The following MYO1F variants were observed in gnomAD, a reference collection of about 807,000 sequenced individuals.
The protein encoded by MYO1F is myosin IF.
Under a neutral mutation model 146.6 loss-of-function variants are expected in MYO1F, and 60 were observed. That is an observed-to-expected ratio of 0.41 (90% CI 0.33 to 0.51). The LOEUF (loss-of-function observed/expected upper bound fraction) is 0.51, where lower values mean the gene tolerates loss of function less well. Ranked by LOEUF, MYO1F falls within the 20% of genes least tolerant of loss-of-function variation. The pLI, the probability that MYO1F is intolerant of heterozygous loss-of-function variation, is 0.25. For synonymous variants in MYO1F, 602 were observed against 602.1 expected (o/e 1.00, Z 0.00); for missense variants, 1,274 against 1,534.3 (o/e 0.83, Z 2.83).
At chr19:8,555,247 A>G (rs568701836) in intron 2 of MYO1F, 39 of 284,668 alleles carry the variant, frequency 1.4e-4, no homozygotes, top group South Asian at 1.2e-3. Flanking sequence ...GCGCATGCCT[A>G]TAATCCCAGC....
intron 1 of MYO1F, among the ~76,000 whole-genome samples, chr19:8,560,819 A>G (rs1053091096): frequency 6.7e-6 from 1 of 149,750 alleles, no homozygotes; most frequent in African/African-American, 2.5e-5. Flanking sequence ...GCTCACTGCA[A>G]GCTCTGTCTC....
At chr19:8,569,376 G>C (rs1426461394) in intron 1 of MYO1F, among the ~76,000 whole-genome samples, 1 of 152,072 alleles carries the variant, frequency 6.6e-6, no homozygotes, top group Admixed American at 6.6e-5. Context: ...TCTTCCTTCA[G>C]CTCTTCAGAG....
At chr19:8,553,756 C>T (rs370635638) in intron 4 of MYO1F, among the ~76,000 whole-genome samples, 25 of 151,706 alleles carry the variant, frequency 1.6e-4, no homozygotes, top group Admixed American at 1.3e-3. Context: ...CCTGTAATCC[C>T]GGCCACTCAG....
intron 12 of MYO1F, 175 bp downstream of exon 12, chr19:8,547,861 C>A: frequency 1.6e-6 from 1 of 640,280 alleles, no homozygotes; most frequent in Non-Finnish European, 2.8e-6. Flanking sequence ...ACGGTCCTTC[C>A]CAAAGCTTTA....
chr19:8,536,445 G>A (rs367762414), intron 18 of MYO1F, 49 bp from the exon 19 acceptor site: 1 of 1,608,846 alleles, frequency 6.2e-7, no homozygotes, highest in African/African-American at 1.3e-5. Flanking sequence ...AGACAGGCCT[G>A]GCTGGGCGTT....
chr19:8,556,492 A>G (rs1973862023), intron 1 of MYO1F, among the ~76,000 whole-genome samples: 1 of 130,924 alleles, frequency 7.6e-6, no homozygotes, highest in Admixed American at 7.2e-5. Flanking sequence ...AAAAGAAAGA[A>G]AGAAAGAAAG....
intron 13 of MYO1F, 87 bp downstream of exon 13, chr19:8,545,563 A>G: frequency 9.0e-7 from 1 of 1,116,970 alleles, no homozygotes; most frequent in Admixed American, 1.7e-5. Context: ...TGAGGATGCC[A>G]TAACACCCTT....
chr19:8,536,641 C>G, intron 17 of MYO1F, 44 bp from the exon 18 acceptor site: 1 of 943,360 alleles, frequency 1.1e-6, no homozygotes, highest in Non-Finnish European at 1.5e-6. Context: ...TGGGGAGTCA[C>G]CAGTCCTGGG....
intron 1 of MYO1F, among the ~76,000 whole-genome samples, chr19:8,574,569 TTCTTTCTTTCTCTCTCTCTCTCTCTCTC>T (rs1568380806): frequency 1.2e-5 from 1 of 86,830 alleles, no homozygotes; most frequent in Admixed American, 1.1e-4. Context: ...CTTTCTTTCT[TTCTTTCTTTCTCTCTCTCTCTCTCTCTC>T]TTTCTTTCTT....
chr19:8,525,269 T>C, intron 25 of MYO1F: 1 of 526,638 alleles, frequency 1.9e-6, no homozygotes, highest in South Asian at 2.2e-5. Context: ...AGAGAAGATG[T>C]CAGTGGTTAG....
At chr19:8,521,937 G>A in intron 27 of MYO1F, among the ~76,000 whole-genome samples, 1 of 151,926 alleles carries the variant, frequency 6.6e-6, no homozygotes, top group Non-Finnish European at 1.5e-5. Context: ...TTACAGGTAT[G>A]AGCCACCTCG....
chr19:8,554,512 C>T lies in MYO1F; in HGVS notation c.291G>A (p.Met97Ile). 6.2e-7 allele frequency: 1 copy of T among 1,613,372 alleles called. No individual in the cohort carries two copies. Among genetic ancestry groups the T allele is most frequent in the Non-Finnish European group, 8.5e-7 (1 of 1,179,576 alleles). ...CACACTGGTTCTCACAGTCGATAAG[C>T]ATGTTCCGGTACATGTTGTCCGTGA... Reference protein sequence around the residue: ...YALTDNMYRNMLIDCENQCVI... With the variant: ...YALTDNMYRNILIDCENQCVI... The change falls in exon 4 of 28, where the codon ATG becomes ATA. Residue 97 changes from methionine to isoleucine, a missense_variant. This residue lies in a region of MYO1F where 900 missense variants were observed against 1,155.1 expected (regional missense o/e 0.78). Coordinates refer to ENST00000644032, the MANE Select transcript of MYO1F (RefSeq NM_012335.4).
At chr19:8,558,612 C>T (rs1973952383) in intron 1 of MYO1F, among the ~76,000 whole-genome samples, 1 of 152,134 alleles carries the variant, frequency 6.6e-6, no homozygotes, top group Non-Finnish European at 1.5e-5. Flanking sequence ...TTCTCAGGCT[C>T]ACTCTGTCTC....
Position 8,522,761 on chromosome 19 carries a change from C to G in MYO1F, c.2923G>C (p.Gly975Arg), listed in dbSNP as rs1406960408. Residue 975 changes from glycine to arginine, a missense_variant, in exon 26 of 28, where the codon GGG becomes CGG. Around this residue, in one of 2 missense-constraint regions of MYO1F, gnomAD observed 374 missense variants for 379.2 expected, o/e 0.99. Transcript: ENST00000644032. ...CCCCGGGGAGGCCTGTGGGTGCCCC[C>G]TCCAGACATGATCTCCAGGGGCAGG... ...GPLPLEIMSG[G>R]GTHRPPRGPP... 3.1e-6 allele frequency: 5 copies of G among 1,610,098 alleles called. No homozygotes were observed. The highest frequency in any genetic ancestry group is 1.8e-4 in the Middle Eastern group (1 of 5,698).
intron 1 of MYO1F, among the ~76,000 whole-genome samples, chr19:8,572,915 C>G (rs1203728683): frequency 6.6e-6 from 1 of 152,168 alleles, no homozygotes; most frequent in Non-Finnish European, 1.5e-5. Context: ...AGGCTGGTCT[C>G]GAACATCTGG....
chr19:8,561,524 C>T (rs913424905), intron 1 of MYO1F, among the ~76,000 whole-genome samples: 1 of 142,632 alleles, frequency 7.0e-6, no homozygotes, highest in African/African-American at 2.6e-5. Context: ...TTCTCTCTTT[C>T]TCTCTTCTTT....
At chr19:8,543,801 C>CTGG (rs1568349238) in intron 14 of MYO1F, among the ~76,000 whole-genome samples, 1 of 10,954 alleles carries the variant, frequency 9.1e-5, no homozygotes, top group Admixed American at 9.2e-4. Flanking sequence ...GGTGGTGGTG[C>CTGG]TGGTGGTGCT....
chr19:8,523,033 T>C (rs1368898008), intron 25 of MYO1F, among the ~76,000 whole-genome samples: 1 of 108,494 alleles, frequency 9.2e-6, no homozygotes, highest in Non-Finnish European at 2.1e-5. Context: ...AATTATTTTT[T>C]ACTTTTTTTT....
intron 1 of MYO1F, among the ~76,000 whole-genome samples, chr19:8,561,183 C>T (rs1267864851): frequency 6.6e-6 from 1 of 152,108 alleles, no homozygotes; most frequent in Non-Finnish European, 1.5e-5. Context: ...TGTGCCTGGC[C>T]TGAGAAGGGT....
Sources: gnomAD v4.1 joint callset for allele counts (sites outside exome capture counted in the v4.1 genomes callset) on GRCh38, gnomAD v4.1.1 for gene constraint, gnomAD v4.1.1 regional missense constraint, MANE v1.5 for transcripts, NCBI Gene and HGNC (gene_info 2026-07-23, HGNC 2026-07-21) for gene names.